The following ADAMTS7 variants were observed in gnomAD, a reference collection of about 807,000 sequenced individuals.
ADAMTS7 encodes the protein ADAM metallopeptidase with thrombospondin type 1 motif 7.
ADAMTS7 carries 89 observed loss-of-function variants against 172.6 expected under a neutral mutation model. The observed-to-expected ratio is 0.52, with a 90% confidence interval of 0.43 to 0.61. The LOEUF (loss-of-function observed/expected upper bound fraction) is 0.61, where lower values mean the gene tolerates loss of function less well. Among genes scored for constraint, ADAMTS7 ranks in the 20% least tolerant of loss-of-function variants. The probability of loss-of-function intolerance (pLI) is 0.00; values close to 1 mark genes in which losing one functional copy is unlikely to be tolerated. For missense variants in ADAMTS7, 1,973 were observed against 2,355.6 expected, an observed-to-expected ratio of 0.84 and a Z score of 3.36; for synonymous variants, 885 against 978.4, an observed-to-expected ratio of 0.90 and a Z score of 1.78.
rs556606513 is a variant in ADAMTS7 at position 78,804,610 on chromosome 15, C to T, written c.101-4063G>A. Among the ~76,000 whole-genome samples, 20 of 152,170 alleles carry T rather than the reference C, an allele frequency of 1.3e-4. No individual in the cohort carries two copies. In the East Asian group the frequency reaches 2.5e-3, roughly 19 times the overall value. ...CCAGTCTGTCCTCTGCCGAACTGCA[C>T]GTAGAGTGCCCTGCACATGCCAGTG... On this transcript the variant is annotated intron_variant, in intron 1 of 23. Transcript: ENST00000388820.
intron 8 of ADAMTS7, among the ~76,000 whole-genome samples, chr15:78,784,951 G>T (rs1478066150): frequency 6.6e-6 from 1 of 150,870 alleles, no homozygotes. Flanking sequence ...TTGAGGATGT[G>T]CTCCACCAAA....
At chr15:78,805,514 T>G (rs1287436395) in intron 1 of ADAMTS7, among the ~76,000 whole-genome samples, 5 of 152,198 alleles carry the variant, frequency 3.3e-5, no homozygotes, top group Non-Finnish European at 5.9e-5. Flanking sequence ...CACTCCATAT[T>G]CATTCCCAGT....
In ADAMTS7 at chr15:78,801,685, C is replaced by CT. The variant is rs568718478; in HGVS notation, c.101-1139dup. 2.2e-4 allele frequency among the ~76,000 whole-genome samples: 32 copies of CT among 148,222 alleles called. 1 individual carries two copies. Among genetic ancestry groups the CT allele is most frequent in the East Asian group, 5.9e-4 (3 of 5,120 alleles). On this transcript the variant is annotated intron_variant, in intron 1 of 23. Coordinates refer to ENST00000388820, the MANE Select transcript of ADAMTS7 (RefSeq NM_014272.5). ...CAAGAATCTATATTCTTTGCCCCTGCTTTTTTTTTTGAAATGGGTTCTTGC... is the reference window on the plus strand; with the variant it reads ...CAAGAATCTATATTCTTTGCCCCTGCTTTTTTTTTTTGAAATGGGTTCTTGC...
rs773819143 is a variant in ADAMTS7, at chr15:78,791,238, G to C, written c.820-15C>G. 6.2e-7 allele frequency: 1 copy of C among 1,609,668 alleles called. No individual in the cohort carries two copies. Among genetic ancestry groups the C allele is most frequent in the Non-Finnish European group, 8.5e-7 (1 of 1,177,830 alleles). ...AGGCCAGCCACCTGCCCAAGAGATG[G>C]GGGGGTCAGGTTGTCACGAGGATGA... is the stretch of plus-strand genomic sequence containing the variant. On this transcript the variant is annotated splice_polypyrimidine_tract_variant and intron_variant, in intron 4 of 23. Transcript: ENST00000388820.
Position 78,771,150 on chromosome 15 carries a change from C to T in ADAMTS7, c.2518+12G>A, listed in dbSNP as rs1271636303. 6.3e-7 allele frequency: 1 copy of T among 1,597,196 alleles called. No homozygotes were observed. Among genetic ancestry groups the T allele is most frequent in the Non-Finnish European group, 8.5e-7 (1 of 1,171,556 alleles). On this transcript the variant is annotated intron_variant, in intron 16 of 23. Coordinates refer to ENST00000388820, the MANE Select transcript of ADAMTS7 (RefSeq NM_014272.5). This position sits in a 1 kb window ranked among gnomAD's most constrained non-coding sequence, Gnocchi z 4.9. Reference sequence around the variant, plus strand: ...CCCCTGCAGGTGGGGCTGTGCCTGCCCCACTTCTCACCTCTGCCGCAGGTG... The same window carrying T: ...CCCCTGCAGGTGGGGCTGTGCCTGCTCCACTTCTCACCTCTGCCGCAGGTG...
At position 78,766,009 on chromosome 15, in the gene ADAMTS7, G is replaced by A. The variant is rs1267161162; in HGVS notation, c.3902C>T (p.Pro1301Leu). ...GGAACTGTCCCTGACCTTCATCTCT[G>A]GCAGAGGGGCTATGGGAGGAGGAAG... ...SLLPPPIAPL[P>L]EMKVRDSSLE... The change falls in exon 19 of 24, where the codon CCA becomes CTA. Residue 1301 changes from proline to leucine, a missense_variant. Coordinates refer to ENST00000388820, the MANE Select transcript of ADAMTS7 (RefSeq NM_014272.5). 3.7e-6 allele frequency: 6 copies of A among 1,600,338 alleles called. No homozygotes were observed. The highest frequency in any genetic ancestry group is 5.1e-6 in the Non-Finnish European group (6 of 1,179,188).
At chr15:78,795,023 G>A (rs913562549) in intron 4 of ADAMTS7, among the ~76,000 whole-genome samples, 2 of 152,316 alleles carry the variant, frequency 1.3e-5, no homozygotes, top group East Asian at 1.9e-4. Flanking sequence ...AGTCGGGTGC[G>A]TCTTACTCTG....
intron 1 of ADAMTS7, among the ~76,000 whole-genome samples, chr15:78,803,878 T>C (rs1308419941): frequency 2.6e-5 from 4 of 152,238 alleles, no homozygotes; most frequent in Admixed American, 2.6e-4. Flanking sequence ...CTGCTGGGAT[T>C]TGCTAATAAT....
chr15:78,766,180 G>A lies in ADAMTS7; in HGVS notation c.3731C>T (p.Ser1244Phe). Residue 1244 changes from serine (S) to phenylalanine (F), a missense_variant, in exon 19 of 24, where the codon TCC (serine) becomes TTC (phenylalanine). By Grantham distance (155) the Ser-to-Phe change is radical (BLOSUM62 -2). This residue lies in a region of ADAMTS7 where 771 missense variants were observed against 952.6 expected (regional missense o/e 0.81). Transcript: ENST00000388820. ...PRPSSTLPPL[S>F]PVGSTHSSPS... ...AGAGGAGTGGGTGCTGCCAACAGGG[G>A]ACAAAGGGGGCAGCGTGGAGCTGGG... 2.5e-6 allele frequency: 4 copies of A among 1,611,588 alleles called. No homozygotes were observed. The highest frequency in any genetic ancestry group is 3.4e-6 in the Non-Finnish European group (4 of 1,179,658).
chr15:78,762,590 G>C (rs11072801), intron 22 of ADAMTS7, 25 bp from the exon 23 acceptor site: 398,594 of 1,229,644 alleles, frequency 0.32, 86,308 homozygotes, highest in Non-Finnish European at 0.37. Context: ...GGAGGAATGA[G>C]TGTCTCCAGG....
chr15:78,790,113 A>G (rs749798261), intron 6 of ADAMTS7, among the ~76,000 whole-genome samples: 4 of 152,216 alleles, frequency 2.6e-5, no homozygotes, highest in Admixed American at 2.0e-4. Context: ...ATGCCTCCAG[A>G]GTCCAGCAGA....
At position 78,776,772 on chromosome 15, in the gene ADAMTS7, C is replaced by G; in HGVS notation, c.1537G>C (p.Gly513Arg). The change falls in exon 10 of 24, where the codon GGC becomes CGC. Residue 513 changes from glycine (G) to arginine (R), a missense_variant. Coordinates refer to ENST00000388820, the MANE Select transcript of ADAMTS7 (RefSeq NM_014272.5). Reference protein sequence around the residue: ...CHSKLDAAVDGTRCGENKWCL... With the variant: ...CHSKLDAAVDRTRCGENKWCL... ...ACCTTATTCTCCCCACACCGGGTGCCGTCCACAGCTGCATCCAGCTTGGAG... is the reference window on the plus strand; with the variant it reads ...ACCTTATTCTCCCCACACCGGGTGCGGTCCACAGCTGCATCCAGCTTGGAG... 1.3e-6 allele frequency: 2 copies of G among 1,551,540 alleles called. No individual in the cohort carries two copies. Among genetic ancestry groups the G allele is most frequent in the East Asian group, 2.4e-5 (1 of 41,088 alleles).
chr15:78,792,151 C>T (rs1043221037), intron 4 of ADAMTS7, among the ~76,000 whole-genome samples: 1 of 152,222 alleles, frequency 6.6e-6, no homozygotes, highest in African/African-American at 2.4e-5. Flanking sequence ...GGATGAATGA[C>T]ACTCTCAGAA....
At chr15:78,809,797 A>G (rs1206972656) in intron 1 of ADAMTS7, among the ~76,000 whole-genome samples, 3 of 152,074 alleles carry the variant, frequency 2.0e-5, no homozygotes, top group African/African-American at 4.8e-5. Context: ...CAGGAGTCCA[A>G]CCCCACAGGT....
chr15:78,795,044 G>A (rs2055625676), intron 4 of ADAMTS7, among the ~76,000 whole-genome samples: 1 of 152,184 alleles, frequency 6.6e-6, no homozygotes, highest in South Asian at 2.1e-4. Flanking sequence ...CCCAGAATCT[G>A]GAGCATAGGG....
In ADAMTS7 at chr15:78,797,988, C is replaced by T. The variant is rs760822976; in HGVS notation, c.582G>A (p.Gln194=). ...YKRQAPERLA[Q]RGDSSAPSTC... is the part of the protein sequence containing the mutation. Reference sequence around the variant, plus strand: ...TGCTTGGAGCACTGGAATCACCCCGCTGTGCCAGCCTCTCCGGGGCCTGAC... The same window carrying T: ...TGCTTGGAGCACTGGAATCACCCCGTTGTGCCAGCCTCTCCGGGGCCTGAC... Residue 194 remains glutamine (Q), a synonymous_variant, in exon 3 of 24, where the codon CAG becomes CAA. Coordinates refer to ENST00000388820, the MANE Select transcript of ADAMTS7 (RefSeq NM_014272.5). The T allele has an allele frequency of 6.3e-7, 1 of 1,592,776 alleles. No individual in the cohort carries two copies. Among genetic ancestry groups the T allele is most frequent in the Non-Finnish European group, 8.5e-7 (1 of 1,171,844 alleles).
chr15:78,779,678 G>A (rs1264127710), intron 8 of ADAMTS7, among the ~76,000 whole-genome samples: 2 of 152,116 alleles, frequency 1.3e-5, no homozygotes, highest in East Asian at 1.9e-4. Context: ...CCTCCTTCCC[G>A]CTAGCATTCT....
rs1261993078 is a variant in ADAMTS7, at chr15:78,789,712, A to T, written c.1155T>A (p.Thr385=). Residue 385 remains threonine, a synonymous_variant, in exon 7 of 24, where the codon ACT becomes ACA. Transcript: ENST00000388820. ...NEDTGLPLAF[T]VAHELGHSFG... ...ACCTGTGCCCGAGCTCGTGGGCTAC[A>T]GTGAAGGCCAGCGGCAGGCCCGTGT... is the stretch of plus-strand genomic sequence containing the variant. The T allele has an allele frequency of 3.1e-6, 5 of 1,613,714 alleles. No homozygotes were observed. Among genetic ancestry groups the T allele is most frequent in the Non-Finnish European group, 4.2e-6 (5 of 1,180,000 alleles).
At chr15:78,763,881 G>A in intron 21 of ADAMTS7, 36 bp from the exon 22 acceptor site, 1 of 1,571,572 alleles carries the variant, frequency 6.4e-7, no homozygotes, top group South Asian at 1.2e-5. Flanking sequence ...GCACAGCCAG[G>A]GTCTGAGGGC....
Sources: allele counts gnomAD v4.1 joint callset (sites outside exome capture counted in the v4.1 genomes callset), GRCh38; gene constraint gnomAD v4.1.1; regional missense constraint gnomAD v4.1.1; non-coding constraint Gnocchi (gnomAD v3.1); transcripts MANE v1.5; gene names NCBI Gene and HGNC (gene_info 2026-07-23, HGNC 2026-07-21).